CASK: variants seen among roughly 807,000 people sequenced by gnomAD.
CASK encodes peripheral plasma membrane protein CASK.
In CASK, 4 loss-of-function variants were observed where a neutral mutation model predicts 82.9. That is an observed-to-expected ratio of 0.05 (90% CI 0.02 to 0.11). CASK has a LOEUF of 0.11. Among genes scored for constraint, CASK ranks in the 10% least tolerant of loss-of-function variants. The probability of loss-of-function intolerance (pLI) is 1.00; values close to 1 mark genes in which losing one functional copy is unlikely to be tolerated. For missense variants in CASK, 358 were observed against 720.9 expected, an observed-to-expected ratio of 0.50 and a Z score of 5.76; for synonymous variants, 259 against 253.5, an observed-to-expected ratio of 1.02 and a Z score of -0.20.
At chrX:41,567,663 C>T (rs1165042946) in intron 16 of CASK, among the ~76,000 whole-genome samples, 6 of 111,866 alleles carry the variant, frequency 5.4e-5, no homozygotes, top group Non-Finnish European at 3.8e-5. Context: ...AGTTCAACCA[C>T]TGTGGAAGAC....
At chrX:41,535,350 A>C (rs2064860175) in intron 22 of CASK, among the ~76,000 whole-genome samples, 1 of 111,532 alleles carries the variant, frequency 9.0e-6, no homozygotes, top group Admixed American at 9.6e-5. Context: ...AAAAAGAAAA[A>C]GTCTACAGAC....
intron 14 of CASK, among the ~76,000 whole-genome samples, chrX:41,579,771 A>C (rs757765890): frequency 8.9e-6 from 1 of 111,902 alleles, no homozygotes; most frequent in Non-Finnish European, 1.9e-5. Context: ...TATTTTATTA[A>C]AAGGCTTAAA....
chrX:41,746,515 C>T (rs1218929517), intron 3 of CASK, among the ~76,000 whole-genome samples: 6 of 110,609 alleles, frequency 5.4e-5, no homozygotes, highest in Non-Finnish European at 7.6e-5. Flanking sequence ...ACCTCCCCCT[C>T]CCCCCACATA....
intron 2 of CASK, among the ~76,000 whole-genome samples, chrX:41,850,764 T>C (rs780168287): frequency 2.2e-4 from 25 of 111,781 alleles, no homozygotes; most frequent in African/African-American, 6.2e-4. Context: ...TTAAGATGTG[T>C]TGCCCATAGT....
chrX:41,554,311 A>G (rs1487282713), intron 20 of CASK, among the ~76,000 whole-genome samples: 1 of 111,792 alleles, frequency 8.9e-6, no homozygotes, highest in Non-Finnish European at 1.9e-5. Context: ...TTTAAGCCAT[A>G]AATACTAGCA....
chrX:41,758,370 G>A (rs771796432), intron 3 of CASK, among the ~76,000 whole-genome samples: 85 of 106,631 alleles, frequency 8.0e-4, no homozygotes, highest in Non-Finnish European at 1.4e-3. Flanking sequence ...GGGAGGCAGA[G>A]GTTGCAATGA....
intron 9 of CASK, among the ~76,000 whole-genome samples, chrX:41,628,174 T>C (rs753442234): frequency 3.3e-4 from 37 of 112,732 alleles, no homozygotes; most frequent in African/African-American, 9.6e-4. Flanking sequence ...TGCTGGTCTA[T>C]GTAGAATCAC....
In CASK at chrX:41,904,743, AT is replaced by A. The variant is rs1457369298; in HGVS notation, c.59+18186del. Among the ~76,000 whole-genome samples the A allele has an allele frequency of 4.5e-5, 5 of 111,220 alleles. No individual in the cohort carries two copies. In the Admixed American group the frequency reaches 4.8e-4, roughly 11 times the overall value. On this transcript the variant is annotated intron_variant, in intron 1 of 26. Transcript: ENST00000378163. ...AGTATCCTACAATTTTTCGATCCTAATGCTCCACCCTCAAGTAGGCCCCAGT... is the reference window on the plus strand; with the variant it reads ...AGTATCCTACAATTTTTCGATCCTAAGCTCCACCCTCAAGTAGGCCCCAGT...
chrX:41,731,296 T>G (rs2068392240), intron 5 of CASK, among the ~76,000 whole-genome samples: 1 of 111,554 alleles, frequency 9.0e-6, no homozygotes, highest in South Asian at 3.8e-4. Context: ...GGCACATGTC[T>G]CTAGTCCTAG....
At chrX:41,673,795 G>A (rs958708041) in intron 5 of CASK, among the ~76,000 whole-genome samples, 9 of 102,804 alleles carry the variant, frequency 8.8e-5, no homozygotes, top group African/African-American at 3.2e-4. Context: ...GATCAAAGGT[G>A]TAGGGCCTTG....
chrX:41,585,724 C>G (rs62587017), intron 14 of CASK: 11 of 89,952 alleles, frequency 1.2e-4, no homozygotes, highest in Admixed American at 2.7e-4. Flanking sequence ...CCAGCCTGGG[C>G]GACAGTGCGA....
At chrX:41,656,182 G>A (rs920637722) in intron 8 of CASK, among the ~76,000 whole-genome samples, 1 of 111,844 alleles carries the variant, frequency 8.9e-6, no homozygotes, top group African/African-American at 3.2e-5. Flanking sequence ...ATCTAGACAG[G>A]TTTCTTTTGT....
chrX:41,908,084 T>C (rs1406921436), intron 1 of CASK, among the ~76,000 whole-genome samples: 1 of 111,103 alleles, frequency 9.0e-6, no homozygotes, highest in Non-Finnish European at 1.9e-5. Flanking sequence ...GGCCCAAGGG[T>C]TGGGGACCCC....
chrX:41,652,976 GA>G (rs1352745101), intron 8 of CASK, among the ~76,000 whole-genome samples: 3 of 111,978 alleles, frequency 2.7e-5, no homozygotes, highest in Non-Finnish European at 3.8e-5. Flanking sequence ...GTGGGAAGGG[GA>G]GGCCTTGGGG....
chrX:41,617,206 T>C (rs2066216294), intron 11 of CASK, among the ~76,000 whole-genome samples: 1 of 112,265 alleles, frequency 8.9e-6, no homozygotes, highest in African/African-American at 3.2e-5. Flanking sequence ...CACAAAGGCA[T>C]CTGTTAGCAG....
chrX:41,843,735 T>C (rs1203016573), intron 2 of CASK, among the ~76,000 whole-genome samples: 1 of 111,227 alleles, frequency 9.0e-6, no homozygotes. Context: ...TTTACTTCCT[T>C]CTGATAGATT....
intron 4 of CASK, 149 bp from the exon 5 acceptor site, chrX:41,739,605 C>T (rs1602550899): frequency 2.3e-6 from 1 of 425,798 alleles, no homozygotes; most frequent in Non-Finnish European, 4.1e-6. Context: ...TAAAGTGAGG[C>T]TTAATAATGA....
At chrX:41,747,502 C>CG (rs1350085657) in intron 3 of CASK, among the ~76,000 whole-genome samples, 2 of 111,032 alleles carry the variant, frequency 1.8e-5, no homozygotes, top group African/African-American at 6.6e-5. Context: ...TGCAGTGGTG[C>CG]ATCTCGGCTC....
chrX:41,666,380 CCACTAGACTTGG>C (rs1276307701), intron 6 of CASK, among the ~76,000 whole-genome samples: 2 of 111,945 alleles, frequency 1.8e-5, no homozygotes, highest in African/African-American at 3.2e-5. Context: ...GGGGCACTGC[CCACTAGACTTGG>C]CAGCTCTTCT....
Sources: gnomAD v4.1 joint callset for allele counts (sites outside exome capture counted in the v4.1 genomes callset) on GRCh38, gnomAD v4.1.1 for gene constraint, MANE v1.5 for transcripts, NCBI Gene and HGNC (gene_info 2026-07-23, HGNC 2026-07-21) for gene names.